Variants in SSR1 observed in about 807,000 individuals in gnomAD.
SSR1 encodes the protein signal sequence receptor subunit 1.
A neutral mutation model predicts 36.1 loss-of-function variants in SSR1; 13 were observed. The ratio of observed to expected loss-of-function variants is 0.36; its 90% CI spans 0.23 to 0.57. SSR1 has a LOEUF of 0.57. SSR1 is among the 20% of genes least tolerant of loss of function. The probability of loss-of-function intolerance (pLI) is 0.81; values close to 1 mark genes in which losing one functional copy is unlikely to be tolerated. For missense variants in SSR1, 291 were observed against 338.5 expected, an observed-to-expected ratio of 0.86 and a Z score of 1.10; for synonymous variants, 113 against 118.9, an observed-to-expected ratio of 0.95 and a Z score of 0.32.
At position 7,295,324 on chromosome 6, in the gene SSR1, C is replaced by G. The variant is rs1056314314; in HGVS notation, c.793+68G>C. 4.6e-6 allele frequency: 6 copies of G among 1,302,904 alleles called. No homozygotes were observed. The African/African-American group carries it at 6.1e-5, about 13-fold the overall frequency. 80.7% of individuals were successfully genotyped at this position (1,302,904 alleles called of 1,614,324 possible). A position where few individuals can be genotyped will look rare whatever the true frequency, so the allele number is the denominator to read the frequency against. Reference sequence around the variant, plus strand: ...GTACTGAAAAAGTTTTTTTTTTAAACTAAATCTAAGGTATTTAATTTCCAC... The same window carrying G: ...GTACTGAAAAAGTTTTTTTTTTAAAGTAAATCTAAGGTATTTAATTTCCAC... On this transcript the variant is annotated intron_variant, in intron 7 of 7. Transcript: ENST00000244763.
At chr6:7,299,247 G>A (rs1193393537) in intron 4 of SSR1, among the ~76,000 whole-genome samples, 1 of 152,190 alleles carries the variant, frequency 6.6e-6, no homozygotes, top group African/African-American at 2.4e-5. Context: ...GAGATAAAAC[G>A]TGCAGAAAGA....
intron 7 of SSR1, among the ~76,000 whole-genome samples, chr6:7,294,310 G>A (rs1174860955): frequency 6.6e-6 from 1 of 152,106 alleles, no homozygotes; most frequent in Admixed American, 6.5e-5. Flanking sequence ...GATGCAATCT[G>A]AACTAAATAC....
rs990043600 is a variant in SSR1 at position 7,286,283 on chromosome 6, A to G, written c.*3581T>C. The G allele has an allele frequency of 3.9e-5, 6 of 152,226 alleles. No homozygotes were observed. The highest frequency in any genetic ancestry group is 1.4e-4 in the African/African-American group (6 of 41,468). 9.4% of individuals were successfully genotyped at this position (152,226 alleles called of 1,614,324 possible). A position where few individuals can be genotyped will look rare whatever the true frequency, so the allele number is the denominator to read the frequency against. On this transcript the variant is annotated 3_prime_UTR_variant, in exon 8 of 8. Transcript: ENST00000244763. ...AAACCTTAGAACCTCAGATGATATA[A>G]TTAACATAAAAGCCCAGGTTTTTGT...
intron 3 of SSR1, among the ~76,000 whole-genome samples, chr6:7,303,088 G>A (rs547973800): frequency 4.7e-5 from 6 of 128,212 alleles, no homozygotes; most frequent in South Asian, 2.6e-4. Context: ...GCAGTGAGCC[G>A]AGATCATACC....
intron 7 of SSR1, 106 bp downstream of exon 7, chr6:7,295,286 T>C: frequency 8.9e-7 from 1 of 1,118,940 alleles, no homozygotes; most frequent in East Asian, 2.6e-5. Flanking sequence ...ATGGAAAAGA[T>C]GAATGTTAAA....
chr6:7,303,138 TAAAA>T (rs35763826), intron 3 of SSR1, among the ~76,000 whole-genome samples: 3 of 42,918 alleles, frequency 7.0e-5, no homozygotes, highest in African/African-American at 1.1e-4. Context: ...GACTACATCT[TAAAA>T]AAAAAAAAAA....
Position 7,303,138 on chromosome 6 carries a change from TAAAAAAAAA to T in SSR1, c.280+403_280+411del, listed in dbSNP as rs35763826. On this transcript the variant is annotated intron_variant, in intron 3 of 7. Coordinates refer to ENST00000244763, the MANE Select transcript of SSR1 (RefSeq NM_003144.5). Reference sequence around the variant, plus strand: ...TGGGTGACAGAGCGAGACTACATCTTAAAAAAAAAAAAAAAAAAAAAAAAAAGACAAAGT... The same window carrying T: ...TGGGTGACAGAGCGAGACTACATCTTAAAAAAAAAAAAAAAAAGACAAAGT... Among the ~76,000 whole-genome samples, 10 of 42,918 alleles carry T rather than the reference TAAAAAAAAA, an allele frequency of 2.3e-4. No homozygotes were observed. In the East Asian group the frequency reaches 6.2e-3, roughly 26 times the overall value. The allele number at this position is 42,918 out of a possible 152,430, so 28.2% of individuals were successfully genotyped here.
intron 6 of SSR1, chr6:7,297,178 C>G: frequency 4.2e-6 from 1 of 238,976 alleles, no homozygotes; most frequent in Non-Finnish European, 8.1e-6. Context: ...AAGATTGTGC[C>G]ACTGCACTCC....
intron 2 of SSR1, among the ~76,000 whole-genome samples, chr6:7,309,251 A>G (rs1288032068): frequency 6.6e-6 from 1 of 152,206 alleles, no homozygotes; most frequent in Non-Finnish European, 1.5e-5. Context: ...TGAGCCCAGA[A>G]GTTTTAGACT....
chr6:7,290,531 G>A (rs895915228), intron 7 of SSR1, among the ~76,000 whole-genome samples: 6 of 152,186 alleles, frequency 3.9e-5, no homozygotes, highest in African/African-American at 1.4e-4. Flanking sequence ...AAGGCTGGAT[G>A]TATGTACCTT....
In SSR1 at chr6:7,296,285, T is replaced by C. The variant is rs534747325; in HGVS notation, c.700-800A>G. ...ATTATATAATCCGTAAGTTAGAACC[T>C]AAGTACATGGAGAGATAACTTAAAA... On this transcript the variant is annotated intron_variant, in intron 6 of 7. Coordinates refer to ENST00000244763, the MANE Select transcript of SSR1 (RefSeq NM_003144.5). Among the ~76,000 whole-genome samples, 68 of 152,286 alleles carry C rather than the reference T, an allele frequency of 4.5e-4. 1 individual carries two copies. The highest frequency in any genetic ancestry group is 4.0e-3 in the Admixed American group (61 of 15,300).
chr6:7,288,811 A>C lies in SSR1; in HGVS notation c.*1053T>G, dbSNP rs1757613907. 1 of 152,448 alleles carries C rather than the reference A, an allele frequency of 6.6e-6. No homozygotes were observed. The highest frequency in any genetic ancestry group is 2.4e-5 in the African/African-American group (1 of 41,456). 9.4% of individuals were successfully genotyped at this position (152,448 alleles called of 1,614,324 possible). A position where few individuals can be genotyped will look rare whatever the true frequency, so the allele number is the denominator to read the frequency against. On this transcript the variant is annotated 3_prime_UTR_variant, in exon 8 of 8. Coordinates refer to ENST00000244763, the MANE Select transcript of SSR1 (RefSeq NM_003144.5). ...TCAAGCACTTAAGAACAATTTTTGG[A>C]ATCTTTCAGGTTAACTAAAAAGGTT...
chr6:7,294,683 T>C lies in SSR1; in HGVS notation c.793+709A>G, dbSNP rs548566006. Among the ~76,000 whole-genome samples the C allele has an allele frequency of 5.9e-5, 8 of 136,348 alleles. No individual in the cohort carries two copies. The South Asian group carries it at 1.6e-3, about 28-fold the overall frequency. 89.4% of individuals were successfully genotyped at this position (136,348 alleles called of 152,430 possible). A position where few individuals can be genotyped will look rare whatever the true frequency, so the allele number is the denominator to read the frequency against. On this transcript the variant is annotated intron_variant, in intron 7 of 7. Transcript: ENST00000244763. ...TCCAGCCTGGGCGACAGAGCAAGAT[T>C]CCATCTCAAATAAATAAATAAATAA...
rs976442531 is a variant in SSR1, at chr6:7,285,124, G to A, written c.*4740C>T. The A allele has an allele frequency of 2.0e-5, 3 of 152,108 alleles. No homozygotes were observed. Among genetic ancestry groups the A allele is most frequent in the African/African-American group, 7.2e-5 (3 of 41,418 alleles). 9.4% of individuals were successfully genotyped at this position (152,108 alleles called of 1,614,324 possible). ...TCTACCTAATTGTGAACTAGAAGCT[G>A]GGGATGAAAAACAAGCCAGATACAG... On this transcript the variant is annotated 3_prime_UTR_variant, in exon 8 of 8. Coordinates refer to ENST00000244763, the MANE Select transcript of SSR1 (RefSeq NM_003144.5). This position sits in a 1 kb window ranked among gnomAD's most constrained non-coding sequence, Gnocchi z 4.1.
At chr6:7,295,576 C>T in intron 6 of SSR1, 91 bp from the exon 7 acceptor site, 1 of 939,466 alleles carries the variant, frequency 1.1e-6, no homozygotes. Context: ...TGCTATGTTG[C>T]CCAGGCTGCC....
intron 7 of SSR1, among the ~76,000 whole-genome samples, chr6:7,292,553 T>G (rs1757706219): frequency 7.8e-6 from 1 of 128,598 alleles, no homozygotes; most frequent in African/African-American, 2.7e-5. Context: ...TCCTTTCTTT[T>G]CTTTTTTTTC....
At chr6:7,304,335 CTG>C (rs1327476153) in intron 2 of SSR1, among the ~76,000 whole-genome samples, 3 of 152,326 alleles carry the variant, frequency 2.0e-5, no homozygotes, top group East Asian at 3.9e-4. Flanking sequence ...CAACTCAACT[CTG>C]GGGCTACTGT....
rs147463871 is a variant in SSR1 at position 7,287,818 on chromosome 6, T to C, written c.*2046A>G. ...GTGCTTGAACAAACCATGTGTGGAATTGAATTCCATTCATTACGGAGTTAG... is the reference window on the plus strand; with the variant it reads ...GTGCTTGAACAAACCATGTGTGGAACTGAATTCCATTCATTACGGAGTTAG... On this transcript the variant is annotated 3_prime_UTR_variant, in exon 8 of 8. Coordinates refer to ENST00000244763, the MANE Select transcript of SSR1 (RefSeq NM_003144.5). 11 of 152,788 alleles carry C rather than the reference T, an allele frequency of 7.2e-5. No individual in the cohort carries two copies. The highest frequency in any genetic ancestry group is 9.6e-5 in the African/African-American group (4 of 41,582). 9.5% of individuals were successfully genotyped at this position (152,788 alleles called of 1,614,324 possible). A position where few individuals can be genotyped will look rare whatever the true frequency, so the allele number is the denominator to read the frequency against.
chr6:7,293,769 C>T (rs1338262304), intron 7 of SSR1, among the ~76,000 whole-genome samples: 1 of 151,968 alleles, frequency 6.6e-6, no homozygotes, highest in Non-Finnish European at 1.5e-5. Context: ...ACCAATATAC[C>T]GAGGGTCAAT....
Sources: gnomAD v4.1 joint callset for allele counts (sites outside exome capture counted in the v4.1 genomes callset) on GRCh38, gnomAD v4.1.1 for gene constraint, Gnocchi (gnomAD v3.1) non-coding constraint, MANE v1.5 for transcripts, NCBI Gene and HGNC (gene_info 2026-07-23, HGNC 2026-07-21) for gene names.